The following DNAH3 variants were observed in gnomAD, a reference collection of about 807,000 sequenced individuals.
DNAH3 encodes dynein axonemal heavy chain 3, also known as axonemal beta dynein heavy chain 3.
DNAH3 carries 332 observed loss-of-function variants against 432.5 expected under a neutral mutation model. The ratio of observed to expected loss-of-function variants is 0.77; its 90% CI spans 0.70 to 0.84. The LOEUF is 0.84. DNAH3 is among the 40% of genes least tolerant of loss of function. The pLI, the probability that DNAH3 is intolerant of heterozygous loss-of-function variation, is 0.00. For missense variants in DNAH3, 4,861 were observed against 5,114.0 expected (o/e 0.95, Z 1.51); for synonymous variants, 1,956 against 1,900.2 (o/e 1.03, Z -0.76).
At chr16:21,151,369 G>A (rs2092851436) in intron 1 of DNAH3, among the ~76,000 whole-genome samples, 1 of 145,962 alleles carries the variant, frequency 6.9e-6, no homozygotes, top group African/African-American at 2.6e-5. Context: ...TGCCCAGGCT[G>A]CAGTGCAGTG....
At chr16:21,089,528 A>G (rs2091472060) in intron 18 of DNAH3, among the ~76,000 whole-genome samples, 1 of 152,216 alleles carries the variant, frequency 6.6e-6, no homozygotes, top group Non-Finnish European at 1.5e-5. Context: ...TATGGCCATA[A>G]TGGAATTAAA....
chr16:21,088,536 C>T (rs1011229599), intron 18 of DNAH3, among the ~76,000 whole-genome samples: 3 of 152,138 alleles, frequency 2.0e-5, no homozygotes, highest in Non-Finnish European at 2.9e-5. Flanking sequence ...ATATCTACAA[C>T]AAGAGAGAAG....
intron 37 of DNAH3, among the ~76,000 whole-genome samples, chr16:21,030,202 C>T (rs187607637): frequency 2.2e-3 from 337 of 152,230 alleles, no homozygotes; most frequent in Non-Finnish European, 3.8e-3. Flanking sequence ...CTGGTCAGGC[C>T]TTGTGAGTTC....
chr16:21,128,382 C>T (rs1191879316), intron 7 of DNAH3, among the ~76,000 whole-genome samples: 1 of 136,122 alleles, frequency 7.3e-6, no homozygotes, highest in Non-Finnish European at 1.6e-5. Flanking sequence ...GACATCATCT[C>T]TCCAAAAACA....
chr16:21,026,918 G>C, intron 38 of DNAH3, 109 bp downstream of exon 38: 2 of 713,060 alleles, frequency 2.8e-6, no homozygotes, highest in South Asian at 1.7e-5. Context: ...TAATAATGTA[G>C]ATGATCTGCG....
intron 41 of DNAH3, among the ~76,000 whole-genome samples, chr16:21,013,030 G>T (rs886374043): frequency 1.3e-5 from 2 of 152,120 alleles, no homozygotes; most frequent in Admixed American, 6.5e-5. Context: ...CTCCTAAAGT[G>T]CTGGGATTAC....
exon 59 of DNAH3, chr16:20,941,435 T>C (rs777597339): frequency 6.2e-7 from 1 of 1,614,062 alleles, no homozygotes. Flanking sequence ...CTTAGGACGG[T>C]ATTCATGGAT....
chr16:20,963,660 G>A (rs759379258), exon 53 of DNAH3: 4 of 1,614,036 alleles, frequency 2.5e-6, no homozygotes, highest in Non-Finnish European at 3.4e-6. Context: ...GAGCTGGATT[G>A]GGGTAGGGGT....
intron 12 of DNAH3, among the ~76,000 whole-genome samples, chr16:21,115,117 T>A (rs545793818): frequency 6.6e-6 from 1 of 151,996 alleles, no homozygotes. Flanking sequence ...CTGGAAACCA[T>A]CATTCTCAGC....
intron 20 of DNAH3, among the ~76,000 whole-genome samples, chr16:21,079,628 C>T (rs2091108564): frequency 6.6e-6 from 1 of 152,022 alleles, no homozygotes; most frequent in Non-Finnish European, 1.5e-5. Context: ...CAGAGTGAGA[C>T]TCTGTCTCAA....
chr16:21,111,575 TCCAG>T (rs1405798566), intron 14 of DNAH3, 47 bp downstream of exon 14: 1 of 1,562,492 alleles, frequency 6.4e-7, no homozygotes, highest in Non-Finnish European at 8.7e-7. Context: ...CTTTTTCGTC[TCCAG>T]TTGGTGCCAA....
chr16:21,072,627 T>C (rs2090831543), intron 21 of DNAH3, among the ~76,000 whole-genome samples: 1 of 151,720 alleles, frequency 6.6e-6, no homozygotes, highest in Non-Finnish European at 1.5e-5. Flanking sequence ...CGAGCCACCA[T>C]GCCTGGCTTG....
Position 20,965,092 on chromosome 16 carries a change from A to G in DNAH3, c.8792T>C (p.Leu2931Pro), listed in dbSNP as rs930629648. ...CAGGGCCTGGAGCCGATCTACCACC[A>G]GCTTCAGCTCTGCTCTTTTCTGGTT... The change falls in exon 53 of 62, where the codon CTG becomes CCG. Residue 2931 changes from leucine to proline, a missense_variant. Transcript: ENST00000261383. 2.5e-6 allele frequency: 4 copies of G among 1,613,906 alleles called. No homozygotes were observed. In the African/African-American group the frequency reaches 5.3e-5, roughly 22 times the overall value.
chr16:21,030,080 C>A (rs943333835), intron 37 of DNAH3, among the ~76,000 whole-genome samples: 1 of 152,132 alleles, frequency 6.6e-6, no homozygotes, highest in African/African-American at 2.4e-5. Context: ...CCTGTCTCAG[C>A]CTCTAGAAGT....
chr16:21,054,620 C>T (rs983269011), intron 27 of DNAH3, 86 bp from the exon 28 acceptor site: 29 of 1,021,192 alleles, frequency 2.8e-5, no homozygotes, highest in African/African-American at 1.7e-4. Context: ...CATGGACCAC[C>T]GGATGGCTCA....
In DNAH3 at chr16:21,120,806, G is replaced by C. The variant is rs16970910; in HGVS notation, c.1633C>G (p.Arg545Gly). The change falls in exon 11 of 62, where the codon CGG (arginine) becomes GGG (glycine). Residue 545 changes from arginine (R) to glycine (G), a missense_variant. By Grantham distance (125) the Arg-to-Gly change is moderately radical. Coordinates refer to ENST00000261383, the Ensembl canonical transcript of DNAH3. The stretch of plus-strand genomic sequence containing the variant: ...GGCTCAGCTGCTTTCACACATTGCC[G>C]ATCAGCAGCAGCAGCAGTGAAGGAG... 1.9e-6 allele frequency: 3 copies of C among 1,613,986 alleles called. No homozygotes were observed. In the African/African-American group the frequency reaches 4.0e-5, roughly 22 times the overall value.
At chr16:21,091,767 G>C (rs958479602) in intron 18 of DNAH3, among the ~76,000 whole-genome samples, 1 of 151,784 alleles carries the variant, frequency 6.6e-6, no homozygotes, top group Admixed American at 6.6e-5. Context: ...AGTGAGCCAA[G>C]ATCACACCAT....
exon 50 of DNAH3, chr16:20,979,493 T>G (rs2085755926): frequency 6.2e-7 from 1 of 1,614,050 alleles, no homozygotes; most frequent in Non-Finnish European, 8.5e-7. Flanking sequence ...GTTGTAATAA[T>G]CGAGTGACAG....
chr16:21,155,503 T>A (rs1052703577), intron 1 of DNAH3, among the ~76,000 whole-genome samples: 3 of 149,390 alleles, frequency 2.0e-5, no homozygotes, highest in Non-Finnish European at 4.4e-5. Flanking sequence ...ATGCCTGTAA[T>A]CCCAGCTACT....
Sources: allele counts gnomAD v4.1 joint callset (sites outside exome capture counted in the v4.1 genomes callset), GRCh38; gene constraint gnomAD v4.1.1; transcripts MANE v1.5; gene names NCBI Gene and HGNC (gene_info 2026-07-23, HGNC 2026-07-21).